Variants in DOCK2 observed in about 807,000 individuals in gnomAD.
DOCK2 encodes the protein dedicator of cytokinesis 2.
Under a neutral mutation model 248.9 loss-of-function variants are expected in DOCK2, and 87 were observed. That is an observed-to-expected ratio of 0.35 (90% CI 0.29 to 0.42). The LOEUF (loss-of-function observed/expected upper bound fraction) is 0.42, where lower values mean the gene tolerates loss of function less well. DOCK2 is among the 10% of genes least tolerant of loss of function. The probability of loss-of-function intolerance (pLI) is 1.00; values close to 1 mark genes in which losing one functional copy is unlikely to be tolerated. For synonymous variants in DOCK2, 805 were observed against 821.6 expected (o/e 0.98, Z 0.35); for missense variants, 1,747 against 2,300.2 (o/e 0.76, Z 4.92).
intron 30 of DOCK2, among the ~76,000 whole-genome samples, chr5:170,003,292 T>A (rs1754905812): frequency 6.6e-6 from 1 of 152,146 alleles, no homozygotes; most frequent in African/African-American, 2.4e-5. Flanking sequence ...CTCAGAAAGG[T>A]CAAGTCACTA....
At chr5:170,012,278 G>T (rs183803306) in intron 32 of DOCK2, among the ~76,000 whole-genome samples, 2 of 147,572 alleles carry the variant, frequency 1.4e-5, no homozygotes, top group African/African-American at 2.4e-5. Context: ...AATGACCAAC[G>T]ATCTACGTTT....
At chr5:169,810,653 T>A (rs1387020604) in intron 26 of DOCK2, among the ~76,000 whole-genome samples, 1 of 152,164 alleles carries the variant, frequency 6.6e-6, no homozygotes, top group Non-Finnish European at 1.5e-5. Context: ...GACCATGCCC[T>A]TTCCAACTGG....
chr5:169,979,717 A>G (rs1483449533), intron 27 of DOCK2, among the ~76,000 whole-genome samples: 7 of 152,234 alleles, frequency 4.6e-5, no homozygotes, highest in African/African-American at 1.7e-4. Flanking sequence ...GTCACATTGC[A>G]CTACAAATCG....
At chr5:169,870,159 T>C (rs1771862087) in intron 27 of DOCK2, among the ~76,000 whole-genome samples, 1 of 152,196 alleles carries the variant, frequency 6.6e-6, no homozygotes, top group Non-Finnish European at 1.5e-5. Context: ...TCCAAGGAGA[T>C]GTCTGAACAC....
At chr5:169,721,932 C>A (rs1762231969) in intron 22 of DOCK2, among the ~76,000 whole-genome samples, 1 of 152,210 alleles carries the variant, frequency 6.6e-6, no homozygotes, top group African/African-American at 2.4e-5. Context: ...TCAAGTGTCT[C>A]TGATTAGGCA....
chr5:169,772,649 A>C (rs973291673), intron 25 of DOCK2, among the ~76,000 whole-genome samples: 1 of 152,242 alleles, frequency 6.6e-6, no homozygotes, highest in Admixed American at 6.5e-5. Flanking sequence ...ATGAAAATCT[A>C]TGTTTTAAAA....
At chr5:170,032,258 C>A (rs910800099) in intron 34 of DOCK2, among the ~76,000 whole-genome samples, 1 of 152,114 alleles carries the variant, frequency 6.6e-6, no homozygotes, top group African/African-American at 2.4e-5. Context: ...TATCTCCTGA[C>A]CTCGTGATCT....
chr5:169,985,348 C>CATGT (rs1374577455), intron 28 of DOCK2, among the ~76,000 whole-genome samples: 30 of 136,860 alleles, frequency 2.2e-4, no homozygotes, highest in African/African-American at 7.7e-4. Flanking sequence ...CTAATCTGCT[C>CATGT]GTGTGTGTGT....
intron 40 of DOCK2, among the ~76,000 whole-genome samples, 185 bp from the exon 41 acceptor site, chr5:170,050,071 A>G (rs1756860803): frequency 6.6e-6 from 1 of 152,140 alleles, no homozygotes; most frequent in South Asian, 2.1e-4. Context: ...GACCCTTTAA[A>G]GTAGTGATGG....
rs139091070 is a variant in DOCK2 at position 169,697,554 on chromosome 5, C to T, written c.980-820C>T. On this transcript the variant is annotated intron_variant, in intron 10 of 51. Transcript: ENST00000520908. Reference sequence around the variant, plus strand: ...ACTTTGGAGCCAAAGGGAAATTGCCCTGCCCTAATCACAGCCCTGAGGATG... The same window carrying T: ...ACTTTGGAGCCAAAGGGAAATTGCCTTGCCCTAATCACAGCCCTGAGGATG... 1.5e-3 allele frequency among the ~76,000 whole-genome samples: 221 copies of T among 152,310 alleles called. 2 individuals carry two copies. Among genetic ancestry groups the T allele is most frequent in the African/African-American group, 4.7e-3 (196 of 41,562 alleles).
intron 27 of DOCK2, among the ~76,000 whole-genome samples, chr5:169,880,005 C>A (rs1174216993): frequency 6.6e-6 from 1 of 152,206 alleles, no homozygotes; most frequent in Non-Finnish European, 1.5e-5. Flanking sequence ...TTTGTCCTCT[C>A]TGTCTAGACA....
At chr5:169,920,425 G>A (rs1775112059) in intron 27 of DOCK2, among the ~76,000 whole-genome samples, 1 of 152,170 alleles carries the variant, frequency 6.6e-6, no homozygotes, top group Non-Finnish European at 1.5e-5. Context: ...CCAGAAAGTA[G>A]GTGGATTTGG....
chr5:169,701,756 G>A lies in DOCK2; in HGVS notation c.1259-547G>A, dbSNP rs150515446. ...TGGTTTTGAACTCCTGAGCTCAGGCGATCTGCCCGCTTTGGCCTCCCAAAG... is the reference window on the plus strand; with the variant it reads ...TGGTTTTGAACTCCTGAGCTCAGGCAATCTGCCCGCTTTGGCCTCCCAAAG... On this transcript the variant is annotated intron_variant, in intron 13 of 51. Coordinates refer to ENST00000520908, the MANE Select transcript of DOCK2 (RefSeq NM_004946.3). 2.2e-3 allele frequency among the ~76,000 whole-genome samples: 331 copies of A among 152,218 alleles called. 2 individuals are homozygous for A. The highest frequency in any genetic ancestry group is 7.4e-3 in the African/African-American group (306 of 41,532).
At chr5:169,825,430 C>A (rs1340820544) in intron 26 of DOCK2, among the ~76,000 whole-genome samples, 1 of 150,900 alleles carries the variant, frequency 6.6e-6, no homozygotes, top group Non-Finnish European at 1.5e-5. Context: ...CCGTGGAATA[C>A]TATGCAGCCA....
intron 14 of DOCK2, among the ~76,000 whole-genome samples, chr5:169,704,532 G>A (rs34414038): frequency 0.19 from 28,931 of 152,062 alleles, 2,980 homozygotes; most frequent in Middle Eastern, 0.26. Flanking sequence ...CCTCATATTA[G>A]CTGTGTGATC....
chr5:169,808,066 T>C (rs1238991461), intron 26 of DOCK2, among the ~76,000 whole-genome samples: 1 of 152,018 alleles, frequency 6.6e-6, no homozygotes, highest in African/African-American at 2.4e-5. Context: ...TGAAAACTAA[T>C]AAAAAAGGCC....
intron 28 of DOCK2, 38 bp from the exon 29 acceptor site, chr5:169,985,790 A>G: frequency 6.5e-7 from 1 of 1,540,640 alleles, no homozygotes; most frequent in Non-Finnish European, 8.8e-7. Context: ...AGTTCCTGTA[A>G]AACAGGATGA....
intron 25 of DOCK2, among the ~76,000 whole-genome samples, chr5:169,777,732 T>C (rs1765463213): frequency 6.6e-6 from 1 of 152,160 alleles, no homozygotes; most frequent in South Asian, 2.1e-4. Context: ...CCCGTGAGCA[T>C]TGAATGTGAT....
intron 27 of DOCK2, among the ~76,000 whole-genome samples, chr5:169,860,405 C>A (rs576636156): frequency 1.0e-3 from 152 of 152,154 alleles, no homozygotes; most frequent in African/African-American, 3.4e-3. Flanking sequence ...CAATGTGTAC[C>A]CTACATTGTG....
Sources: allele counts gnomAD v4.1 joint callset (sites outside exome capture counted in the v4.1 genomes callset), GRCh38; gene constraint gnomAD v4.1.1; transcripts MANE v1.5; gene names NCBI Gene and HGNC (gene_info 2026-07-23, HGNC 2026-07-21).